The following MECOM variants were observed in gnomAD, a reference collection of about 807,000 sequenced individuals.
The protein encoded by MECOM is histone-lysine N-methyltransferase MECOM.
Under a neutral mutation model 116.3 loss-of-function variants are expected in MECOM, and 13 were observed. That is an observed-to-expected ratio of 0.11 (90% CI 0.07 to 0.18). The LOEUF (loss-of-function observed/expected upper bound fraction) is 0.18, where lower values mean the gene tolerates loss of function less well. Ranked by LOEUF, MECOM falls within the 10% of genes least tolerant of loss-of-function variation. MECOM has a pLI of 1.00. For synonymous variants in MECOM, 528 were observed against 535.2 expected (o/e 0.99, Z 0.19); for missense variants, 1,299 against 1,509.0 (o/e 0.86, Z 2.31).
At chr3:169,309,660 C>G (rs1367291513) in intron 2 of MECOM, among the ~76,000 whole-genome samples, 1 of 152,166 alleles carries the variant, frequency 6.6e-6, no homozygotes. Context: ...TGCCTCAACT[C>G]TTATCTTAAG....
chr3:169,451,020 T>G (rs1343362416), intron 1 of MECOM, among the ~76,000 whole-genome samples: 1 of 152,178 alleles, frequency 6.6e-6, no homozygotes, highest in Non-Finnish European at 1.5e-5. Flanking sequence ...TCACTCAAAC[T>G]GGTTCAAGTT....
chr3:169,193,194 AT>A (rs1393519859), intron 2 of MECOM, among the ~76,000 whole-genome samples: 1 of 152,034 alleles, frequency 6.6e-6, no homozygotes, highest in East Asian at 1.9e-4. Context: ...TAAGAAATCA[AT>A]TGTCTAAATA....
At chr3:169,431,442 C>A (rs768461664) in intron 1 of MECOM, among the ~76,000 whole-genome samples, 4 of 152,092 alleles carry the variant, frequency 2.6e-5, no homozygotes, top group Non-Finnish European at 4.4e-5. Context: ...TTATCAAAAC[C>A]GGGGTCTTCC....
At chr3:169,456,850 A>G (rs189553156) in intron 1 of MECOM, among the ~76,000 whole-genome samples, 1 of 152,150 alleles carries the variant, frequency 6.6e-6, no homozygotes. Flanking sequence ...TCTTCCCTCC[A>G]CCCATAGGAG....
chr3:169,505,995 GCTCA>G (rs1019390581), intron 1 of MECOM, among the ~76,000 whole-genome samples: 1 of 152,152 alleles, frequency 6.6e-6, no homozygotes, highest in Non-Finnish European at 1.5e-5. Context: ...GAGGACAAGA[GCTCA>G]CTAATTTGAA....
chr3:169,356,009 C>T (rs190820733), intron 2 of MECOM, among the ~76,000 whole-genome samples: 3 of 151,940 alleles, frequency 2.0e-5, no homozygotes, highest in African/African-American at 7.2e-5. Context: ...TTTTTAATTA[C>T]TCAAAATTCA....
intron 1 of MECOM, among the ~76,000 whole-genome samples, chr3:169,421,988 G>C (rs908366282): frequency 1.3e-5 from 2 of 152,078 alleles, no homozygotes; most frequent in African/African-American, 2.4e-5. Context: ...ACAATCTTAA[G>C]AGAAACACGA....
rs1396987183 is a variant in MECOM at position 169,115,752 on chromosome 3, A to C, written c.2120T>G (p.Met707Arg). The change falls in exon 8 of 17, where the codon ATG (methionine) becomes AGG (arginine). Residue 707 changes from methionine to arginine, a missense_variant. Met to Arg is a moderately conservative substitution (Grantham distance 91, BLOSUM62 -1). Transcript: ENST00000651503. ...CAAGTCTCTATCAGGAAATGGGTAC[A>C]TTGATTGAGAGAATGCTGGAAAAAA... Reference protein sequence around the residue: ...LPFFPAFSQSMYPFPDRDLRS... With the variant: ...LPFFPAFSQSRYPFPDRDLRS... 4 of 1,614,058 alleles carry C rather than the reference A, an allele frequency of 2.5e-6. No homozygotes were observed. Among genetic ancestry groups the C allele is most frequent in the Non-Finnish European group, 3.4e-6 (4 of 1,180,036 alleles).
intron 2 of MECOM, among the ~76,000 whole-genome samples, chr3:169,272,181 T>A (rs1449476576): frequency 1.3e-5 from 2 of 152,178 alleles, no homozygotes; most frequent in Non-Finnish European, 2.9e-5. Flanking sequence ...CAGGGTGAAT[T>A]CACACTGTTA....
At chr3:169,329,898 C>T (rs1440372589) in intron 2 of MECOM, among the ~76,000 whole-genome samples, 1 of 152,196 alleles carries the variant, frequency 6.6e-6, no homozygotes, top group Non-Finnish European at 1.5e-5. Flanking sequence ...GAGAAGTAAG[C>T]AGATTACCAT....
intron 1 of MECOM, among the ~76,000 whole-genome samples, chr3:169,473,245 G>C (rs1196963619): frequency 1.3e-5 from 2 of 152,154 alleles, no homozygotes; most frequent in Admixed American, 1.3e-4. Context: ...TGATCAGAAT[G>C]ATCACCCTAT....
chr3:169,283,888 A>G (rs1194635863), intron 2 of MECOM, among the ~76,000 whole-genome samples: 1 of 152,160 alleles, frequency 6.6e-6, no homozygotes, highest in African/African-American at 2.4e-5. Flanking sequence ...GTGTCATGTT[A>G]TCAAAAACAT....
chr3:169,629,293 G>A (rs1379500875), intron 1 of MECOM, among the ~76,000 whole-genome samples: 1 of 151,888 alleles, frequency 6.6e-6, no homozygotes, highest in East Asian at 1.9e-4. Context: ...ATAATACCAT[G>A]CAGACAATGT....
chr3:169,091,512 T>C (rs1719703056), intron 14 of MECOM, among the ~76,000 whole-genome samples: 2 of 152,140 alleles, frequency 1.3e-5, no homozygotes, highest in South Asian at 4.1e-4. Flanking sequence ...ACAGTTCTTA[T>C]TTGCATCAAG....
rs376523868 is a variant in MECOM at position 169,485,964 on chromosome 3, C to A, written c.38-104440G>T. On this transcript the variant is annotated intron_variant, in intron 1 of 16. Coordinates refer to ENST00000651503, the MANE Select transcript of MECOM (RefSeq NM_004991.4). ...ATGTATGTATATATGTACATATATA[C>A]TATATATACATATATATATAGTATA... is the stretch of plus-strand genomic sequence containing the variant. 2.0e-3 allele frequency among the ~76,000 whole-genome samples: 186 copies of A among 94,356 alleles called. 6 individuals carry two copies. The highest frequency in any genetic ancestry group is 2.7e-3 in the African/African-American group (53 of 19,318). 61.9% of individuals were successfully genotyped at this position (94,356 alleles called of 152,430 possible). A position where few individuals can be genotyped will look rare whatever the true frequency, so the allele number is the denominator to read the frequency against.
chr3:169,560,645 T>C (rs989824337), intron 1 of MECOM, among the ~76,000 whole-genome samples: 1 of 152,088 alleles, frequency 6.6e-6, no homozygotes, highest in Non-Finnish European at 1.5e-5. Context: ...ACAGAAATAC[T>C]CAATGATATA....
chr3:169,619,214 C>G (rs1336310550), intron 1 of MECOM, among the ~76,000 whole-genome samples: 2 of 152,164 alleles, frequency 1.3e-5, no homozygotes, highest in Admixed American at 6.5e-5. Flanking sequence ...CCGGGTGCAC[C>G]GGCCGCAGCG....
intron 2 of MECOM, among the ~76,000 whole-genome samples, chr3:169,343,442 A>C (rs144183264): frequency 1.0e-3 from 155 of 152,276 alleles, no homozygotes; most frequent in Non-Finnish European, 1.7e-3. Context: ...GAAGAAGGCC[A>C]CTGCTGCACA....
At chr3:169,662,967 G>A (rs1264842920) in intron 1 of MECOM, among the ~76,000 whole-genome samples, 1 of 151,104 alleles carries the variant, frequency 6.6e-6, no homozygotes, top group Non-Finnish European at 1.5e-5. Context: ...GGGAGGGGAG[G>A]GGGAGACTTT....
Sources: gnomAD v4.1 joint callset for allele counts (sites outside exome capture counted in the v4.1 genomes callset) on GRCh38, gnomAD v4.1.1 for gene constraint, MANE v1.5 for transcripts, NCBI Gene and HGNC (gene_info 2026-07-23, HGNC 2026-07-21) for gene names.